GOSR1: variants seen among roughly 807,000 people sequenced by gnomAD.
The protein encoded by GOSR1 is golgi SNAP receptor complex member 1.
A neutral mutation model predicts 35.5 loss-of-function variants in GOSR1; 21 were observed. That is an observed-to-expected ratio of 0.59 (90% confidence interval 0.42 to 0.85). The LOEUF (loss-of-function observed/expected upper bound fraction) is 0.85. Among genes scored for constraint, GOSR1 ranks in the 40% least tolerant of loss-of-function variants. The pLI is 0.00. For missense variants in GOSR1, 285 were observed against 309.6 expected (o/e 0.92, Z 0.60); for synonymous variants, 94 against 106.6 (o/e 0.88, Z 0.73).
At chr17:30,502,994 G>A (rs1264417851) in intron 6 of GOSR1, among the ~76,000 whole-genome samples, 3 of 152,244 alleles carry the variant, frequency 2.0e-5, no homozygotes, top group South Asian at 4.1e-4. Context: ...TGATTGGTTA[G>A]TGACAACCTC....
At chr17:30,491,936 A>T (rs1397724560) in intron 5 of GOSR1, among the ~76,000 whole-genome samples, 1 of 152,086 alleles carries the variant, frequency 6.6e-6, no homozygotes, top group Non-Finnish European at 1.5e-5. Context: ...TGGTTATATT[A>T]TTCTGCTTTC....
chr17:30,483,536 C>G (rs1351700981), intron 2 of GOSR1, among the ~76,000 whole-genome samples: 1 of 152,154 alleles, frequency 6.6e-6, no homozygotes, highest in Non-Finnish European at 1.5e-5. Context: ...TTATTTAATA[C>G]TTTTCATTTG....
chr17:30,477,901 G>A, intron 1 of GOSR1: 10 of 985,078 alleles, frequency 1.0e-5, no homozygotes, highest in African/African-American at 1.7e-5. Context: ...AGTGGGAAAA[G>A]AGAAGGAGGA....
At chr17:30,500,881 CTT>C (rs34673687) in intron 6 of GOSR1, among the ~76,000 whole-genome samples, 24 of 139,444 alleles carry the variant, frequency 1.7e-4, no homozygotes, top group Admixed American at 2.2e-4. Flanking sequence ...ACAAAGAACT[CTT>C]TTTTTTTTTT....
In GOSR1 at chr17:30,523,543, C is replaced by T. The variant is rs1375412372; in HGVS notation, c.*1165C>T. On this transcript the variant is annotated 3_prime_UTR_variant, in exon 9 of 9. Transcript: ENST00000451249. ...GGGAGGTGGGGGGGTCAGCCCCCCGCCCGGCCAGCCGCCCCGTCCGGGAGG... is the reference window on the plus strand; with the variant it reads ...GGGAGGTGGGGGGGTCAGCCCCCCGTCCGGCCAGCCGCCCCGTCCGGGAGG... 1 of 154,852 alleles carries T rather than the reference C, an allele frequency of 6.5e-6. No individual in the cohort carries two copies. Among genetic ancestry groups the T allele is most frequent in the Non-Finnish European group, 1.4e-5 (1 of 71,696 alleles). The allele number at this position is 154,852 out of a possible 1,614,324, so 9.6% of individuals were successfully genotyped here. A position where few individuals can be genotyped will look rare whatever the true frequency, so the allele number is the denominator to read the frequency against.
At chr17:30,477,832 AGAGCCCCGGAGACTGGAG>A in intron 1 of GOSR1, 1 of 985,386 alleles carries the variant, frequency 1.0e-6, no homozygotes, top group Non-Finnish European at 1.2e-6. Context: ...GAGAAGATCC[AGAGCCCCGGAGACTGGAG>A]GAGTCAGCGC....
chr17:30,493,533 A>G (rs940927106), intron 6 of GOSR1, among the ~76,000 whole-genome samples: 6 of 152,248 alleles, frequency 3.9e-5, no homozygotes, highest in Non-Finnish European at 8.8e-5. Context: ...TGTTTACAAA[A>G]TAATGTGAAA....
At chr17:30,509,986 T>C (rs950314952) in intron 6 of GOSR1, among the ~76,000 whole-genome samples, 2 of 152,228 alleles carry the variant, frequency 1.3e-5, no homozygotes, top group Non-Finnish European at 2.9e-5. Flanking sequence ...TTCTTTATGC[T>C]GTCATTAAAA....
intron 6 of GOSR1, among the ~76,000 whole-genome samples, chr17:30,500,912 G>T (rs887204642): frequency 2.1e-5 from 3 of 142,062 alleles, no homozygotes; most frequent in Admixed American, 7.2e-5. Flanking sequence ...ACGGAGTCTC[G>T]CTCTGTCGCC....
intron 6 of GOSR1, among the ~76,000 whole-genome samples, chr17:30,494,984 T>C (rs1966941771): frequency 6.6e-6 from 1 of 151,480 alleles, no homozygotes; most frequent in African/African-American, 2.4e-5. Flanking sequence ...ATACAAGATA[T>C]ATGGCTTTTT....
At chr17:30,481,700 G>C (rs140132947) in intron 2 of GOSR1, among the ~76,000 whole-genome samples, 8 of 152,258 alleles carry the variant, frequency 5.3e-5, no homozygotes, top group Admixed American at 5.2e-4. Context: ...GTGTATCCTT[G>C]TTATTAATTA....
In GOSR1 at chr17:30,525,819, GA is replaced by G. The variant is rs970430004; in HGVS notation, c.*3445del. ...GAATTATGTTGGTTATTTTCTTTAT[GA>G]AAATAAACCAGTTCTTCCAAGGAAG... is the stretch of plus-strand genomic sequence containing the variant. On this transcript the variant is annotated 3_prime_UTR_variant, in exon 9 of 9. Coordinates refer to ENST00000451249, the MANE Select transcript of GOSR1 (RefSeq NM_001007025.2). 2 of 152,152 alleles carry G rather than the reference GA, an allele frequency of 1.3e-5. No individual in the cohort carries two copies. Among genetic ancestry groups the G allele is most frequent in the African/African-American group, 2.4e-5 (1 of 41,428 alleles). 9.4% of individuals were successfully genotyped at this position (152,152 alleles called of 1,614,324 possible). A position where few individuals can be genotyped will look rare whatever the true frequency, so the allele number is the denominator to read the frequency against.
chr17:30,484,535 TTTTTG>T (rs5819902), intron 3 of GOSR1, 123 bp from the exon 4 acceptor site: 517,097 of 606,620 alleles, frequency 0.85, 221,292 homozygotes, highest in African/African-American at 0.95. Flanking sequence ...TCTTGTTTGT[TTTTTG>T]TTTTGTTTTG....
At chr17:30,481,625 C>T (rs1199070570) in intron 2 of GOSR1, among the ~76,000 whole-genome samples, 1 of 152,072 alleles carries the variant, frequency 6.6e-6, no homozygotes, top group African/African-American at 2.4e-5. Context: ...TGTGGATCTA[C>T]CCAGGTGCCA....
At position 30,525,973 on chromosome 17, in the gene GOSR1, C is replaced by T. The variant is rs1968176075; in HGVS notation, c.*3595C>T. On this transcript the variant is annotated 3_prime_UTR_variant, in exon 9 of 9. Coordinates refer to ENST00000451249, the MANE Select transcript of GOSR1 (RefSeq NM_001007025.2). The stretch of plus-strand genomic sequence containing the variant: ...CCAGTGCTTTTTCCTCTTAGGGTTT[C>T]TTTGCAGAAAGAAACCTCCAGCAAG... 6.6e-6 allele frequency: 1 copy of T among 152,228 alleles called. No homozygotes were observed. The highest frequency in any genetic ancestry group is 6.5e-5 in the Admixed American group (1 of 15,274). The allele number at this position is 152,228 out of a possible 1,614,324, so 9.4% of individuals were successfully genotyped here.
At position 30,526,870 on chromosome 17, in the gene GOSR1, GAGATTATGGTATC is replaced by G. The variant is rs1411777591; in HGVS notation, c.*4493_*4505del. 6.6e-6 allele frequency: 1 copy of G among 152,312 alleles called. No homozygotes were observed. Among genetic ancestry groups the G allele is most frequent in the Non-Finnish European group, 1.5e-5 (1 of 68,040 alleles). The allele number at this position is 152,312 out of a possible 1,614,324, so 9.4% of individuals were successfully genotyped here. On this transcript the variant is annotated 3_prime_UTR_variant, in exon 9 of 9. Coordinates refer to ENST00000451249, the MANE Select transcript of GOSR1 (RefSeq NM_001007025.2). ...TAACCATCAAGGTAGTTTGGGGATA[GAGATTATGGTATC>G]TCTGGTGTTGATAAGTGTTTCTCAT...
rs530905872 is a variant in GOSR1 at position 30,527,387 on chromosome 17, G to A, written c.*5009G>A. On this transcript the variant is annotated 3_prime_UTR_variant, in exon 9 of 9. Transcript: ENST00000451249. ...ATTTTTTAAAAATCGTGTACTGCTG[G>A]GCTTTAGTACATTAGTTGTGCAACC... The A allele has an allele frequency of 1.4e-4, 21 of 152,218 alleles. No homozygotes were observed. Among genetic ancestry groups the A allele is most frequent in the African/African-American group, 5.1e-4 (21 of 41,520 alleles). 9.4% of individuals were successfully genotyped at this position (152,218 alleles called of 1,614,324 possible).
At position 30,484,809 on chromosome 17, in the gene GOSR1, A is replaced by G. The variant is rs541992724; in HGVS notation, c.342+39A>G. On this transcript the variant is annotated intron_variant, in intron 4 of 8. Transcript: ENST00000451249. ...CTCGAGATGTTTTCATTATCACAGG[A>G]GTTTGGGTTTTTTTTTTTTTAATCC... The G allele has an allele frequency of 1.1e-4, 120 of 1,069,056 alleles. 1 individual carries two copies. In the Middle Eastern group the frequency reaches 1.2e-3, roughly 11 times the overall value. The allele number at this position is 1,069,056 out of a possible 1,614,324, so 66.2% of individuals were successfully genotyped here.
At chr17:30,510,583 G>A (rs1419510867) in intron 6 of GOSR1, 3 of 184,146 alleles carry the variant, frequency 1.6e-5, no homozygotes, top group South Asian at 3.1e-4. Flanking sequence ...GCATGGTGGC[G>A]GGTGCATGTA....
Sources: allele counts gnomAD v4.1 joint callset (sites outside exome capture counted in the v4.1 genomes callset), GRCh38; gene constraint gnomAD v4.1.1; transcripts MANE v1.5; gene names NCBI Gene and HGNC (gene_info 2026-07-23, HGNC 2026-07-21).